GRIK2: variants seen among roughly 807,000 people sequenced by gnomAD.
The protein encoded by GRIK2 is glutamate ionotropic receptor kainate type subunit 2.
GRIK2 carries 32 observed loss-of-function variants against 100.3 expected under a neutral mutation model. The ratio of observed to expected loss-of-function variants is 0.32; its 90% CI spans 0.24 to 0.43. GRIK2 has a LOEUF of 0.43. Ranked by LOEUF, GRIK2 falls within the 20% of genes least tolerant of loss-of-function variation. The pLI is 1.00. For synonymous variants in GRIK2, 417 were observed against 389.4 expected, an observed-to-expected ratio of 1.07 and a Z score of -0.83; for missense variants, 843 against 1,114.9, an observed-to-expected ratio of 0.76 and a Z score of 3.47.
intron 2 of GRIK2, among the ~76,000 whole-genome samples, chr6:101,459,502 G>A (rs573586438): frequency 1.4e-3 from 213 of 152,194 alleles, no homozygotes; most frequent in African/African-American, 4.9e-3. Context: ...CAGAAGCTAC[G>A]CATTTTTTTA....
chr6:101,832,537 G>T (rs1170915550), intron 10 of GRIK2, among the ~76,000 whole-genome samples: 1 of 152,084 alleles, frequency 6.6e-6, no homozygotes, highest in Non-Finnish European at 1.5e-5. Flanking sequence ...GCATGGCTTG[G>T]CTTCTTACTT....
chr6:101,584,143 G>T (rs894003655), intron 2 of GRIK2, among the ~76,000 whole-genome samples: 7 of 151,904 alleles, frequency 4.6e-5, no homozygotes, highest in Non-Finnish European at 7.4e-5. Flanking sequence ...AAATGAATTT[G>T]TATTTATAAG....
chr6:101,996,355 G>A (rs1000498701), intron 14 of GRIK2, among the ~76,000 whole-genome samples: 1 of 151,836 alleles, frequency 6.6e-6, no homozygotes, highest in African/African-American at 2.4e-5. Context: ...TATTTCAAAC[G>A]GTGAAGAAAT....
At chr6:101,780,245 C>G (rs1294212798) in intron 7 of GRIK2, among the ~76,000 whole-genome samples, 1 of 152,124 alleles carries the variant, frequency 6.6e-6, no homozygotes, top group Non-Finnish European at 1.5e-5. Flanking sequence ...TAAGACACCC[C>G]CTAAACTGTG....
intron 14 of GRIK2, among the ~76,000 whole-genome samples, chr6:102,030,162 G>T (rs1769909951): frequency 6.6e-6 from 1 of 151,208 alleles, no homozygotes; most frequent in Non-Finnish European, 1.5e-5. Flanking sequence ...CATAGAAGCA[G>T]GGAGTAGAAT....
intron 2 of GRIK2, among the ~76,000 whole-genome samples, chr6:101,490,592 A>G (rs1217561393): frequency 6.8e-6 from 1 of 146,852 alleles, no homozygotes; most frequent in East Asian, 1.9e-4. Context: ...TGTTAATAGG[A>G]AAGTATTGTC....
chr6:101,617,927 CATAT>C (rs926300905), intron 2 of GRIK2, among the ~76,000 whole-genome samples: 2 of 151,076 alleles, frequency 1.3e-5, no homozygotes, highest in African/African-American at 2.4e-5. Flanking sequence ...AAGAAAATGT[CATAT>C]ATATATGTGT....
At chr6:102,064,517 C>G (rs1004308272) in intron 16 of GRIK2, among the ~76,000 whole-genome samples, 28 of 149,128 alleles carry the variant, frequency 1.9e-4, no homozygotes, top group African/African-American at 6.6e-4. Context: ...TTAGTATAAC[C>G]AGGAAAATTA....
intron 2 of GRIK2, among the ~76,000 whole-genome samples, chr6:101,612,641 G>A (rs1448444377): frequency 6.6e-6 from 1 of 151,682 alleles, no homozygotes; most frequent in Admixed American, 6.6e-5. Flanking sequence ...TAGGACCAGT[G>A]AGGAATGTTT....
chr6:101,620,110 C>G (rs531932232), intron 2 of GRIK2: 1 of 162,170 alleles, frequency 6.2e-6, no homozygotes, highest in African/African-American at 2.4e-5. Context: ...GCAGCTCAGA[C>G]TGAGGTTTTA....
In GRIK2 at chr6:101,869,403, A is replaced by C. The variant is rs180690989; in HGVS notation, c.1524+9910A>C. 1.5e-4 allele frequency among the ~76,000 whole-genome samples: 23 copies of C among 152,058 alleles called. No individual in the cohort carries two copies. In the East Asian group the frequency reaches 1.7e-3, roughly 12 times the overall value. ...ACATTAACCACTGTTGTTTTGTGCC[A>C]AAATCATGTGCCTTCATCCATATAA... On this transcript the variant is annotated intron_variant, in intron 11 of 16. Coordinates refer to ENST00000369134, the MANE Select transcript of GRIK2 (RefSeq NM_021956.5).
chr6:101,997,783 C>T (rs1457179890), intron 14 of GRIK2, among the ~76,000 whole-genome samples: 1 of 151,768 alleles, frequency 6.6e-6, no homozygotes, highest in African/African-American at 2.4e-5. Context: ...CTTATTTTTA[C>T]TAAAAATTTT....
rs1332906722 is a variant in GRIK2 at position 101,606,109 on chromosome 6, G to A, written c.116-15840G>A. On this transcript the variant is annotated intron_variant, in intron 2 of 16. Coordinates refer to ENST00000369134, the MANE Select transcript of GRIK2 (RefSeq NM_021956.5). Reference sequence around the variant, plus strand: ...TCTCCAACTTTGCCCATATTACTGGGCTCTCACTGGATGACTCAGCTAAGT... The same window carrying A: ...TCTCCAACTTTGCCCATATTACTGGACTCTCACTGGATGACTCAGCTAAGT... Among the ~76,000 whole-genome samples, 3 of 151,872 alleles carry A rather than the reference G, an allele frequency of 2.0e-5. No homozygotes were observed. The East Asian group carries it at 5.8e-4, about 30-fold the overall frequency.
intron 2 of GRIK2, among the ~76,000 whole-genome samples, chr6:101,492,905 G>C (rs1020840851): frequency 6.6e-6 from 1 of 151,828 alleles, no homozygotes; most frequent in Non-Finnish European, 1.5e-5. Flanking sequence ...AGAGGATATT[G>C]GTGGTTTAGC....
chr6:101,790,342 T>A (rs1583155597), intron 7 of GRIK2, among the ~76,000 whole-genome samples: 1 of 152,148 alleles, frequency 6.6e-6, no homozygotes, highest in Admixed American at 6.5e-5. Flanking sequence ...TGGCTGTGGG[T>A]TTGTCATAGA....
chr6:101,808,730 G>A (rs1781151066), intron 9 of GRIK2, among the ~76,000 whole-genome samples: 1 of 151,628 alleles, frequency 6.6e-6, no homozygotes, highest in Non-Finnish European at 1.5e-5. Context: ...TATTAAAATT[G>A]GCTTTATGTA....
intron 5 of GRIK2, among the ~76,000 whole-genome samples, chr6:101,678,552 T>A (rs1771007615): frequency 6.6e-6 from 1 of 152,132 alleles, no homozygotes; most frequent in Admixed American, 6.5e-5. Flanking sequence ...ATTTTTAACT[T>A]TGTCTCACAT....
intron 10 of GRIK2, among the ~76,000 whole-genome samples, chr6:101,826,265 T>C (rs1445688177): frequency 6.6e-6 from 1 of 152,066 alleles, no homozygotes; most frequent in Non-Finnish European, 1.5e-5. Context: ...GAGTCTGCTT[T>C]GAGAGGCACT....
intron 8 of GRIK2, 21 bp from the exon 9 acceptor site, chr6:101,802,310 A>G (rs968086946): frequency 1.1e-5 from 11 of 979,562 alleles, no homozygotes; most frequent in Non-Finnish European, 1.5e-5. Flanking sequence ...ATTTATTATC[A>G]ATGTTTTTCT....
Sources: gnomAD v4.1 joint callset for allele counts (sites outside exome capture counted in the v4.1 genomes callset) on GRCh38, gnomAD v4.1.1 for gene constraint, MANE v1.5 for transcripts, NCBI Gene and HGNC (gene_info 2026-07-23, HGNC 2026-07-21) for gene names.